ZAN: variants seen among roughly 807,000 people sequenced by gnomAD.
The protein encoded by ZAN is zonadhesin (gene/pseudogene).
ZAN carries 260 observed loss-of-function variants against 286.2 expected under a neutral mutation model. The ratio of observed to expected loss-of-function variants is 0.91; its 90% CI spans 0.82 to 1.01. ZAN has a LOEUF of 1.01. ZAN is among the 50% of genes least tolerant of loss of function. The probability of loss-of-function intolerance (pLI) is 0.00; values close to 1 mark genes in which losing one functional copy is unlikely to be tolerated. For missense variants in ZAN, 3,410 were observed against 3,639.2 expected, an observed-to-expected ratio of 0.94 and a Z score of 1.62; for synonymous variants, 1,368 against 1,417.5, an observed-to-expected ratio of 0.97 and a Z score of 0.79.
Position 100,734,068 on chromosome 7 carries a change from G to C in ZAN, c.-101G>C. 2.8e-6 allele frequency: 2 copies of C among 724,542 alleles called. No homozygotes were observed. Among genetic ancestry groups the C allele is most frequent in the Non-Finnish European group, 4.7e-6 (2 of 428,048 alleles). The allele number at this position is 724,542 out of a possible 1,614,324, so 44.9% of individuals were successfully genotyped here. A position where few individuals can be genotyped will look rare whatever the true frequency, so the allele number is the denominator to read the frequency against. Reference sequence around the variant, plus strand: ...TCTGTTCATTCTTCATGGCATCCTTGGAAGGATGCCAAGCTAAGGAGGCCA... The same window carrying C: ...TCTGTTCATTCTTCATGGCATCCTTCGAAGGATGCCAAGCTAAGGAGGCCA... On this transcript the variant is annotated 5_prime_UTR_variant, in exon 2 of 48. Coordinates refer to ENST00000613979, the MANE Select transcript of ZAN (RefSeq NM_003386.3).
chr7:100,759,700 T>G, intron 17 of ZAN, 21 bp from the exon 18 acceptor site: 1 of 1,572,656 alleles, frequency 6.4e-7, no homozygotes. Context: ...CTGGGCTCTC[T>G]TCATTCCTCT....
Position 100,779,564 on chromosome 7 carries a change from C to G in ZAN, c.6436C>G (p.Arg2146Gly), listed in dbSNP as rs376555548. Residue 2146 changes from arginine to glycine, a missense_variant, in exon 35 of 48, where the codon CGG becomes GGG. By Grantham distance (125) the Arg-to-Gly change is moderately radical. Transcript: ENST00000613979. Reference sequence around the variant, plus strand: ...GCGGGAAAAGTGCGAGGCAGCGCTCCGGGCTCCTGTGTGGGCCCAGTGCGC... The same window carrying G: ...GCGGGAAAAGTGCGAGGCAGCGCTCGGGGCTCCTGTGTGGGCCCAGTGCGC... ...RAREKCEAALRAPVWAQCASR... is the reference protein window; with the variant it reads ...RAREKCEAALGAPVWAQCASR... The G allele has an allele frequency of 2.5e-6, 4 of 1,610,630 alleles. No individual in the cohort carries two copies. The highest frequency in any genetic ancestry group is 3.4e-6 in the Non-Finnish European group (4 of 1,178,624).
Position 100,762,154 on chromosome 7 carries a change from G to A in ZAN, c.3843-61G>A, listed in dbSNP as rs1447485549. 3.1e-6 allele frequency: 5 copies of A among 1,599,620 alleles called. No individual in the cohort carries two copies. The African/African-American group carries it at 5.4e-5, about 17-fold the overall frequency. On this transcript the variant is annotated intron_variant, in intron 19 of 47. Transcript: ENST00000613979. ...CCAGCTCCTTGCCTTCTCTGCCACT[G>A]CCCCTCGAGGACCGAGGCTGCTTCT...
rs781245766 is a variant in ZAN at position 100,795,257 on chromosome 7, C to T, written c.8187C>T (p.Thr2729=). The T allele has an allele frequency of 3.7e-6, 6 of 1,611,254 alleles. No homozygotes were observed. Among genetic ancestry groups the T allele is most frequent in the Non-Finnish European group, 5.1e-6 (6 of 1,178,816 alleles). Residue 2729 remains threonine, a synonymous_variant, in exon 45 of 48, where the codon ACC becomes ACT. Coordinates refer to ENST00000613979, the MANE Select transcript of ZAN (RefSeq NM_003386.3). The part of the protein sequence containing the change: ...NDGQCREQGA[T]FTCECEVGYG... ...GGCAGTGTCGGGAGCAGGGAGCCACCTTCACCTGCGAGTGTGAAGTTGGTT... is the reference window on the plus strand; with the variant it reads ...GGCAGTGTCGGGAGCAGGGAGCCACTTTCACCTGCGAGTGTGAAGTTGGTT...
chr7:100,774,666 A>G (rs533588133), intron 31 of ZAN, among the ~76,000 whole-genome samples: 1 of 151,726 alleles, frequency 6.6e-6, no homozygotes. Context: ...TCTAAAAAAA[A>G]TTTTTTTTAA....
chr7:100,750,930 A>G (rs774705421), intron 12 of ZAN, 34 bp downstream of exon 12: 2 of 1,519,146 alleles, frequency 1.3e-6, no homozygotes, highest in Non-Finnish European at 1.8e-6. Flanking sequence ...TGTCTGTGTG[A>G]GGTGAGAGGG....
intron 15 of ZAN, among the ~76,000 whole-genome samples, chr7:100,756,996 G>A (rs1033055467): frequency 3.5e-4 from 53 of 152,076 alleles, no homozygotes; most frequent in African/African-American, 1.3e-3. Context: ...TTGAACTCCC[G>A]ACCTCAGGCG....
chr7:100,764,507 A>AAAAT (rs199749280), intron 22 of ZAN, among the ~76,000 whole-genome samples: 4,025 of 148,784 alleles, frequency 0.027, 160 homozygotes, highest in African/African-American at 0.095. Flanking sequence ...AAAATAAAAT[A>AAAAT]AAATAAATAA....
At chr7:100,783,805 C>CATATATATATATATACACAT (rs1491186199) in intron 35 of ZAN, among the ~76,000 whole-genome samples, 1 of 22,850 alleles carries the variant, frequency 4.4e-5, no homozygotes, top group African/African-American at 8.9e-5. Flanking sequence ...TATATACACA[C>CATATATATATATATACACAT]ATATATATAT....
chr7:100,738,702 T>G lies in ZAN; in HGVS notation c.766+89T>G. The G allele has an allele frequency of 2.3e-6, 3 of 1,309,742 alleles. 1 individual carries two copies. Among genetic ancestry groups the G allele is most frequent in the Non-Finnish European group, 3.1e-6 (3 of 955,086 alleles). 81.1% of individuals were successfully genotyped at this position (1,309,742 alleles called of 1,614,324 possible). On this transcript the variant is annotated intron_variant, in intron 7 of 47. Transcript: ENST00000613979. The stretch of plus-strand genomic sequence containing the variant: ...CCTGGGACGGTCTGTCATGAACACC[T>G]ACAGCTTCAAGCCTCTTACCAGCTC...
intron 34 of ZAN, 74 bp downstream of exon 34, chr7:100,776,638 TCCCTTCCCTC>T (rs1168909234): frequency 1.5e-5 from 18 of 1,199,948 alleles, no homozygotes; most frequent in East Asian, 3.6e-5. Context: ...TGCCTTCCCT[TCCCTTCCCTC>T]CCCTCCCCTC....
intron 9 of ZAN, 134 bp from the exon 10 acceptor site, chr7:100,747,997 AAAAAAG>A: frequency 1.4e-6 from 1 of 720,362 alleles, no homozygotes. Flanking sequence ...GAAAAAAAAA[AAAAAAG>A]AAAGAAAGAA....
chr7:100,795,481 A>G (rs868147260), intron 45 of ZAN, 145 bp downstream of exon 45: 12 of 792,356 alleles, frequency 1.5e-5, no homozygotes, highest in African/African-American at 1.2e-4. Flanking sequence ...TAAACATAAC[A>G]ATTTGTAGCT....
intron 31 of ZAN, among the ~76,000 whole-genome samples, chr7:100,774,325 G>A (rs1204199548): frequency 2.0e-5 from 3 of 152,074 alleles, no homozygotes; most frequent in Non-Finnish European, 1.5e-5. Flanking sequence ...AGCAGAGATC[G>A]TGCCATTGCA....
rs1298143972 is a variant in ZAN, at chr7:100,776,629, G to GCCTTC, written c.6317+79_6317+83dup. On this transcript the variant is annotated intron_variant, in intron 34 of 47. Transcript: ENST00000613979. ...TCTTTCTTTGTCTTTCTTTCTTTCT[G>GCCTTC]CCTTCCCTTCCCTTCCCTCCCCTCC... 1.1e-3 allele frequency: 1,434 copies of GCCTTC among 1,281,564 alleles called. 26 individuals are homozygous for GCCTTC. In the African/African-American group the frequency reaches 0.022, roughly 20 times the overall value. The allele number at this position is 1,281,564 out of a possible 1,614,324, so 79.4% of individuals were successfully genotyped here. A position where few individuals can be genotyped will look rare whatever the true frequency, so the allele number is the denominator to read the frequency against.
In ZAN at chr7:100,775,410, T is replaced by G. The variant is rs755961906; in HGVS notation, c.5862T>G (p.Thr1954=). Residue 1954 remains threonine (T), a synonymous_variant, in exon 32 of 48, where the codon ACT becomes ACG. Coordinates refer to ENST00000613979, the MANE Select transcript of ZAN (RefSeq NM_003386.3). ...ACCATTCTATCCCGGACGCCTGCACTCTTGTCCTGGTGAAAGTGTGCCACC... is the reference window on the plus strand; with the variant it reads ...ACCATTCTATCCCGGACGCCTGCACGCTTGTCCTGGTGAAAGTGTGCCACC... The part of the protein sequence containing the change: ...GSNHSIPDAC[T]LVLVKVCHPA... The G allele has an allele frequency of 1.9e-6, 3 of 1,613,838 alleles. No individual in the cohort carries two copies. Among genetic ancestry groups the G allele is most frequent in the East Asian group, 2.2e-5 (1 of 44,892 alleles).
intron 18 of ZAN, 75 bp downstream of exon 18, chr7:100,759,920 C>T: frequency 2.0e-6 from 3 of 1,531,598 alleles, no homozygotes; most frequent in Non-Finnish European, 2.6e-6. Context: ...AATCCCTGAA[C>T]CTTTCCACGG....
chr7:100,760,582 C>T (rs756957885), intron 19 of ZAN, 46 bp downstream of exon 19: 2 of 1,601,716 alleles, frequency 1.2e-6, no homozygotes, highest in Admixed American at 1.7e-5. Context: ...TTCCTGCTGC[C>T]TCTTCCTGCT....
chr7:100,765,294 C>T, intron 22 of ZAN, 58 bp from the exon 23 acceptor site: 1 of 1,577,124 alleles, frequency 6.3e-7, no homozygotes, highest in Non-Finnish European at 8.6e-7. Context: ...CTTCCTGTTT[C>T]CCACCCAGCC....
Sources: gnomAD v4.1 joint callset for allele counts (sites outside exome capture counted in the v4.1 genomes callset) on GRCh38, gnomAD v4.1.1 for gene constraint, MANE v1.5 for transcripts, NCBI Gene and HGNC (gene_info 2026-07-23, HGNC 2026-07-21) for gene names.